Variants in PRH1 observed in about 807,000 individuals in gnomAD.
PRH1 encodes salivary acidic proline-rich phosphoprotein 1/2.
In PRH1, 7 loss-of-function variants were observed where a neutral mutation model predicts 7.9. The observed-to-expected ratio is 0.89, with a 90% confidence interval of 0.50 to 1.67. PRH1 has a LOEUF of 1.67. Ranked by LOEUF, PRH1 falls within the 40% of genes most tolerant of loss-of-function variation. PRH1 has a pLI of 0.00. For missense variants in PRH1, 109 were observed against 223.6 expected (o/e 0.49, Z 3.27); for synonymous variants, 45 against 80.8 (o/e 0.56, Z 2.38).
intron 2 of PRH1, among the ~76,000 whole-genome samples, chr12:10,940,225 C>CACAA (rs1950376687): frequency 6.6e-6 from 1 of 152,262 alleles, no homozygotes; most frequent in African/African-American, 2.4e-5. Flanking sequence ...CGCGCACACA[C>CACAA]ACAAACACAC....
chr12:11,013,669 G>A (rs1412673497), intron 1 of PRH1, among the ~76,000 whole-genome samples: 1 of 152,038 alleles, frequency 6.6e-6, no homozygotes, highest in Non-Finnish European at 1.5e-5. Context: ...AACTAAATTA[G>A]ATGCTGGGCT....
At chr12:10,926,462 G>A (rs1591685546) in intron 2 of PRH1, among the ~76,000 whole-genome samples, 1 of 152,190 alleles carries the variant, frequency 6.6e-6, no homozygotes, top group Non-Finnish European at 1.5e-5. Flanking sequence ...TGAAAGAGCT[G>A]AGTCATGAAA....
In PRH1 at chr12:11,094,184, C is replaced by A. The variant is rs186867396; in HGVS notation, n.124-46996G>T. Among the ~76,000 whole-genome samples, 893 of 109,522 alleles carry A rather than the reference C, an allele frequency of 8.2e-3. 211 individuals are homozygous for A. Among genetic ancestry groups the A allele is most frequent in the African/African-American group, 0.026 (845 of 32,386 alleles). The allele number at this position is 109,522 out of a possible 152,430, so 71.9% of individuals were successfully genotyped here. A position where few individuals can be genotyped will look rare whatever the true frequency, so the allele number is the denominator to read the frequency against. The stretch of plus-strand genomic sequence containing the variant: ...GGGCATGGTGGTGTGGGCCTGTAGC[C>A]CCAGCTACTCAGGAGGCTGAGGCAG... On this transcript the variant is annotated intron_variant and non_coding_transcript_variant, in intron 1 of 4. Transcript: ENST00000541977.
At chr12:10,912,896 C>A (rs1471546700) in intron 2 of PRH1, among the ~76,000 whole-genome samples, 1 of 152,118 alleles carries the variant, frequency 6.6e-6, no homozygotes, top group Non-Finnish European at 1.5e-5. Flanking sequence ...GTGTTTCATA[C>A]ATCCACTAGA....
At chr12:10,885,620 G>T, upstream of PRH1, among the ~76,000 whole-genome samples, 1 of 152,130 alleles carries the variant, frequency 6.6e-6, no homozygotes, top group East Asian at 1.9e-4. Context: ...TGGTTTTGTC[G>T]CTCTCTCCTC....
intron 1 of PRH1, among the ~76,000 whole-genome samples, chr12:11,075,692 T>G (rs201425765): frequency 0.28 from 19,830 of 70,902 alleles, 959 homozygotes; most frequent in Non-Finnish European, 0.37. Flanking sequence ...TATAGCTGCA[T>G]CAAAGCTATA....
intron 2 of PRH1, chr12:10,908,243 G>T (rs1949834754): frequency 1.5e-6 from 1 of 650,652 alleles, no homozygotes; most frequent in Non-Finnish European, 2.5e-6. Flanking sequence ...TTATAGAGAA[G>T]AATTTAAAAC....
At chr12:10,983,343 C>G (rs976262793) in intron 1 of PRH1, among the ~76,000 whole-genome samples, 1 of 152,224 alleles carries the variant, frequency 6.6e-6, no homozygotes, top group Admixed American at 6.5e-5. Flanking sequence ...GCCTATAAAG[C>G]CAGCCATGAT....
rs563128708 is a variant in PRH1 at position 11,115,217 on chromosome 12, T to C, written n.123+56205A>G. ...AAAACAACGGGATGGAAAAAGATAA[T>C]TCATGGCAATGGAAGCCAAAAAAAG... On this transcript the variant is annotated intron_variant and non_coding_transcript_variant, in intron 1 of 4. Coordinates refer to the PRH1 transcript ENST00000541977. Among the ~76,000 whole-genome samples the C allele has an allele frequency of 5.9e-5, 9 of 152,080 alleles. 1 individual carries two copies. The highest frequency in any genetic ancestry group is 2.2e-4 in the African/African-American group (9 of 41,510).
upstream of PRH1, among the ~76,000 whole-genome samples, chr12:10,885,524 C>A (rs1565449776): frequency 6.6e-6 from 1 of 152,078 alleles, no homozygotes; most frequent in Non-Finnish European, 1.5e-5. Flanking sequence ...TTCCAAAAAG[C>A]CCTGTCAGGG....
intron 1 of PRH1, among the ~76,000 whole-genome samples, chr12:11,013,957 G>C (rs1941175746): frequency 6.6e-6 from 1 of 152,178 alleles, no homozygotes; most frequent in African/African-American, 2.4e-5. Context: ...TCCAATAATT[G>C]GGCTCAAGAA....
chr12:11,043,726 C>T (rs1466079084), intron 1 of PRH1, among the ~76,000 whole-genome samples: 1 of 152,036 alleles, frequency 6.6e-6, no homozygotes, highest in Non-Finnish European at 1.5e-5. Context: ...TGAAGATTAA[C>T]TCAACCAAAG....
chr12:11,009,101 T>G (rs1201157050), intron 1 of PRH1, among the ~76,000 whole-genome samples: 1 of 151,914 alleles, frequency 6.6e-6, no homozygotes, highest in Non-Finnish European at 1.5e-5. Flanking sequence ...TTCATTAATT[T>G]TTATTCCTTC....
At chr12:11,003,260 T>C (rs1312366366) in intron 1 of PRH1, among the ~76,000 whole-genome samples, 6 of 152,082 alleles carry the variant, frequency 3.9e-5, no homozygotes, top group Non-Finnish European at 1.5e-5. Flanking sequence ...CCTAGTTTTA[T>C]ATTCATTAAT....
In PRH1 at chr12:10,995,384, T is replaced by C. The variant is rs74062417; in HGVS notation, c.-125-21663A>G. On this transcript the variant is annotated intron_variant, in intron 1 of 3. Coordinates refer to the PRH1 transcript ENST00000539853. ...GATTTATCTTAAGGTTTAGATAATA[T>C]TGTTAAAATTGCATAACACCAGAAA... 7.2e-3 allele frequency among the ~76,000 whole-genome samples: 1,054 copies of C among 145,710 alleles called. 14 individuals carry two copies. Among genetic ancestry groups the C allele is most frequent in the African/African-American group, 0.025 (1,008 of 40,448 alleles).
chr12:11,016,815 A>G (rs1359692045), intron 1 of PRH1, among the ~76,000 whole-genome samples: 1 of 152,148 alleles, frequency 6.6e-6, no homozygotes, highest in African/African-American at 2.4e-5. Context: ...ACATTATTAG[A>G]GCAGAACCAA....
chr12:11,133,032 G>T (rs371930420), intron 1 of PRH1: 1 of 407,950 alleles, frequency 2.5e-6, no homozygotes, highest in East Asian at 3.7e-5. Flanking sequence ...TCATAATTGA[G>T]GAATTTTTGT....
intron 1 of PRH1, among the ~76,000 whole-genome samples, chr12:11,005,063 G>C (rs1353185492): frequency 6.6e-6 from 1 of 152,076 alleles, no homozygotes; most frequent in Non-Finnish European, 1.5e-5. Flanking sequence ...CCTGATTTCT[G>C]AATGTGCATT....
At chr12:11,000,431 T>C (rs1449849630) in intron 1 of PRH1, among the ~76,000 whole-genome samples, 2 of 152,174 alleles carry the variant, frequency 1.3e-5, no homozygotes, top group African/African-American at 4.8e-5. Context: ...TCCATTTTTC[T>C]GTTGAAAATC....
Sources: gnomAD v4.1 joint callset for allele counts (sites outside exome capture counted in the v4.1 genomes callset) on GRCh38, gnomAD v4.1.1 for gene constraint, MANE v1.5 for transcripts, NCBI Gene and HGNC (gene_info 2026-07-23, HGNC 2026-07-21) for gene names.